CNTNAP2: variants seen among roughly 807,000 people sequenced by gnomAD.
CNTNAP2 encodes contactin associated protein 2, also known as contactin-associated protein-like 2.
Under a neutral mutation model 155.2 loss-of-function variants are expected in CNTNAP2, and 98 were observed. The ratio of observed to expected loss-of-function variants is 0.63; its 90% CI spans 0.54 to 0.75. CNTNAP2 has a LOEUF of 0.75. Among genes scored for constraint, CNTNAP2 ranks in the 30% least tolerant of loss-of-function variants. The pLI, the probability that CNTNAP2 is intolerant of heterozygous loss-of-function variation, is 0.00. For synonymous variants in CNTNAP2, 651 were observed against 631.2 expected (o/e 1.03, Z -0.47); for missense variants, 1,727 against 1,688.1 (o/e 1.02, Z -0.40).
intron 1 of CNTNAP2, among the ~76,000 whole-genome samples, chr7:146,367,069 T>A (rs925697806): frequency 3.9e-5 from 6 of 152,140 alleles, no homozygotes; most frequent in African/African-American, 1.4e-4. Context: ...TGAGAACCAA[T>A]GAACAAACAA....
At chr7:148,229,221 G>A (rs1795914765) in intron 19 of CNTNAP2, among the ~76,000 whole-genome samples, 1 of 152,088 alleles carries the variant, frequency 6.6e-6, no homozygotes, top group Non-Finnish European at 1.5e-5. Flanking sequence ...TCAAGGGAGG[G>A]AGTAAAGTTT....
At chr7:146,825,264 T>C (rs569039212) in intron 2 of CNTNAP2, among the ~76,000 whole-genome samples, 2 of 152,242 alleles carry the variant, frequency 1.3e-5, no homozygotes, top group East Asian at 3.9e-4. Context: ...GATACGATAG[T>C]TACAGTAGTT....
rs528561552 is a variant in CNTNAP2, at chr7:146,245,838, G to A, written c.97+128865G>A. Reference sequence around the variant, plus strand: ...AAGCGAAGAGAGGCTGGGATGACGGGTGCAAAGGAATAGTAAAGAAAGCAT... The same window carrying A: ...AAGCGAAGAGAGGCTGGGATGACGGATGCAAAGGAATAGTAAAGAAAGCAT... On this transcript the variant is annotated intron_variant, in intron 1 of 23. Transcript: ENST00000361727. 4.0e-5 allele frequency among the ~76,000 whole-genome samples: 6 copies of A among 150,568 alleles called. No individual in the cohort carries two copies. The South Asian group carries it at 1.3e-3, about 31-fold the overall frequency.
At position 148,418,022 on chromosome 7, in the gene CNTNAP2, G is replaced by A. The variant is rs1800033491; in HGVS notation, c.*2406G>A. The A allele has an allele frequency of 6.6e-6, 1 of 152,140 alleles. No individual in the cohort carries two copies. Among genetic ancestry groups the A allele is most frequent in the African/African-American group, 2.4e-5 (1 of 41,400 alleles). The allele number at this position is 152,140 out of a possible 1,614,324, so 9.4% of individuals were successfully genotyped here. ...TATCACCATCAATTAAGACATATAG[G>A]ACACTGTCTTCCTTCAAGAGGGTTA... On this transcript the variant is annotated 3_prime_UTR_variant, in exon 24 of 24. Coordinates refer to ENST00000361727, the MANE Select transcript of CNTNAP2 (RefSeq NM_014141.6).
chr7:147,036,640 T>A (rs1169281649), intron 3 of CNTNAP2, among the ~76,000 whole-genome samples: 1 of 152,160 alleles, frequency 6.6e-6, no homozygotes, highest in Non-Finnish European at 1.5e-5. Context: ...TCACAAGTTG[T>A]TGTAAATGGA....
chr7:147,666,252 A>T (rs1471470562), intron 13 of CNTNAP2, among the ~76,000 whole-genome samples: 1 of 152,192 alleles, frequency 6.6e-6, no homozygotes, highest in East Asian at 1.9e-4. Context: ...TTTCAAGTAC[A>T]GTCATGTGCT....
chr7:146,870,369 G>T (rs1446287101), intron 3 of CNTNAP2, among the ~76,000 whole-genome samples: 1 of 152,000 alleles, frequency 6.6e-6, no homozygotes, highest in African/African-American at 2.4e-5. Flanking sequence ...TTGTGTTCAC[G>T]GAAGTGATCC....
chr7:147,167,190 C>T (rs528584666), intron 8 of CNTNAP2, among the ~76,000 whole-genome samples: 1 of 152,180 alleles, frequency 6.6e-6, no homozygotes, highest in Admixed American at 6.5e-5. Flanking sequence ...CTCTCACATG[C>T]AAGGATCTTC....
intron 14 of CNTNAP2, among the ~76,000 whole-genome samples, chr7:147,909,614 T>A (rs2116761670): frequency 6.6e-6 from 1 of 152,340 alleles, no homozygotes; most frequent in East Asian, 1.9e-4. Flanking sequence ...ATAGTAAATA[T>A]TCCCACCTAC....
chr7:147,529,060 A>G (rs1204752456), intron 11 of CNTNAP2, among the ~76,000 whole-genome samples: 1 of 152,246 alleles, frequency 6.6e-6, no homozygotes, highest in East Asian at 1.9e-4. Flanking sequence ...TGTCCATTTT[A>G]GAATCAAATG....
At chr7:147,002,362 T>C (rs917956467) in intron 3 of CNTNAP2, among the ~76,000 whole-genome samples, 1 of 151,902 alleles carries the variant, frequency 6.6e-6, no homozygotes, top group African/African-American at 2.4e-5. Context: ...GGATCGAAAC[T>C]CAAAATGGCT....
chr7:146,866,198 A>G (rs1795201417), intron 3 of CNTNAP2, among the ~76,000 whole-genome samples: 1 of 152,118 alleles, frequency 6.6e-6, no homozygotes, highest in Admixed American at 6.6e-5. Flanking sequence ...GATGTATCTA[A>G]AGTACATATA....
chr7:147,850,244 C>A (rs534337630), intron 13 of CNTNAP2, among the ~76,000 whole-genome samples: 3 of 152,142 alleles, frequency 2.0e-5, no homozygotes, highest in South Asian at 2.1e-4. Context: ...GAACTACAAA[C>A]CACTGCTCAG....
intron 13 of CNTNAP2, among the ~76,000 whole-genome samples, chr7:147,695,270 G>T (rs1401505053): frequency 1.3e-5 from 2 of 152,090 alleles, no homozygotes; most frequent in Admixed American, 1.3e-4. Context: ...GATCTATCTT[G>T]TTGAATATTT....
At chr7:146,493,074 T>C (rs1013467568) in intron 1 of CNTNAP2, among the ~76,000 whole-genome samples, 1 of 152,136 alleles carries the variant, frequency 6.6e-6, no homozygotes, top group Non-Finnish European at 1.5e-5. Context: ...GGAAATAAAG[T>C]AGTAAAAGGA....
chr7:147,193,416 C>A (rs990290362), intron 8 of CNTNAP2, among the ~76,000 whole-genome samples: 2 of 152,142 alleles, frequency 1.3e-5, no homozygotes, highest in Non-Finnish European at 2.9e-5. Context: ...CATTCAAAAG[C>A]AGTGTTAAGC....
At chr7:146,828,839 T>A (rs777950874) in intron 2 of CNTNAP2, among the ~76,000 whole-genome samples, 8 of 152,084 alleles carry the variant, frequency 5.3e-5, no homozygotes, top group Non-Finnish European at 7.4e-5. Flanking sequence ...AACAATGTGT[T>A]TAAAATAATG....
At chr7:148,094,696 A>G (rs964103) in intron 15 of CNTNAP2, among the ~76,000 whole-genome samples, 31,152 of 152,166 alleles carry the variant, frequency 0.2, 3,508 homozygotes, top group East Asian at 0.47. Context: ...GTTTCATAAT[A>G]TGGACGGTGA....
At chr7:146,795,612 T>C (rs1413424766) in intron 2 of CNTNAP2, among the ~76,000 whole-genome samples, 3 of 152,230 alleles carry the variant, frequency 2.0e-5, no homozygotes, top group East Asian at 3.9e-4. Flanking sequence ...CTGGAGACTT[T>C]ATATGCCTAC....
Sources: allele counts gnomAD v4.1 joint callset (sites outside exome capture counted in the v4.1 genomes callset), GRCh38; gene constraint gnomAD v4.1.1; transcripts MANE v1.5; gene names NCBI Gene and HGNC (gene_info 2026-07-23, HGNC 2026-07-21).